The following MYO3A variants were observed in gnomAD, a reference collection of about 807,000 sequenced individuals.
MYO3A encodes myosin IIIA, also known as myosin-IIIa.
A neutral mutation model predicts 192.7 loss-of-function variants in MYO3A; 180 were observed. The ratio of observed to expected loss-of-function variants is 0.93; its 90% CI spans 0.83 to 1.06. The LOEUF (loss-of-function observed/expected upper bound fraction) is 1.06. Among genes scored for constraint, MYO3A ranks in the 50% least tolerant of loss-of-function variants. The pLI, the probability that MYO3A is intolerant of heterozygous loss-of-function variation, is 0.00. For synonymous variants in MYO3A, 628 were observed against 645.3 expected, an observed-to-expected ratio of 0.97 and a Z score of 0.41; for missense variants, 1,896 against 1,905.0, an observed-to-expected ratio of 1.00 and a Z score of 0.09.
chr10:25,948,632 A>G (rs943593285), intron 2 of MYO3A, among the ~76,000 whole-genome samples: 11 of 152,154 alleles, frequency 7.2e-5, no homozygotes, highest in African/African-American at 2.4e-4. Context: ...GCAATTTACC[A>G]TAGTTATTAA....
chr10:25,960,476 T>A (rs568071763), intron 4 of MYO3A, among the ~76,000 whole-genome samples: 3 of 152,276 alleles, frequency 2.0e-5, no homozygotes, highest in Admixed American at 1.3e-4. Context: ...ACTTAACTAC[T>A]AATAGTCTAC....
At chr10:26,069,246 G>T (rs527271403) in intron 12 of MYO3A, among the ~76,000 whole-genome samples, 1 of 152,096 alleles carries the variant, frequency 6.6e-6, no homozygotes, top group Non-Finnish European at 1.5e-5. Context: ...AGCGTCAAAA[G>T]TATAATTACA....
chr10:26,072,890 A>G (rs1331992618), intron 14 of MYO3A, among the ~76,000 whole-genome samples: 1 of 152,228 alleles, frequency 6.6e-6, no homozygotes, highest in African/African-American at 2.4e-5. Context: ...GAAAACCTAT[A>G]CAGAAACCTA....
intron 25 of MYO3A, among the ~76,000 whole-genome samples, chr10:26,156,325 C>T (rs1402889335): frequency 1.3e-5 from 2 of 152,154 alleles, no homozygotes; most frequent in African/African-American, 2.4e-5. Context: ...CAACACTAAA[C>T]GGGATCCAGC....
At chr10:26,199,969 A>T (rs147739595) in intron 32 of MYO3A, among the ~76,000 whole-genome samples, 179 of 152,338 alleles carry the variant, frequency 1.2e-3, no homozygotes, top group Admixed American at 2.5e-3. Flanking sequence ...AGTCCCGGAG[A>T]TCATTAACTG....
At chr10:26,005,195 T>G (rs2130956485) in intron 6 of MYO3A, among the ~76,000 whole-genome samples, 1 of 152,192 alleles carries the variant, frequency 6.6e-6, no homozygotes, top group East Asian at 1.9e-4. Context: ...CCTGAGAGGA[T>G]GCAATGAGAA....
intron 7 of MYO3A, 54 bp downstream of exon 7, chr10:26,016,950 C>T: frequency 6.7e-7 from 1 of 1,498,806 alleles, no homozygotes; most frequent in Non-Finnish European, 9.3e-7. Context: ...GTTTGACTTT[C>T]CTTTTTATGT....
chr10:26,037,718 T>C lies in MYO3A; in HGVS notation c.953+11186T>C, dbSNP rs1266631616. Among the ~76,000 whole-genome samples, 3 of 152,190 alleles carry C rather than the reference T, an allele frequency of 2.0e-5. No homozygotes were observed. The South Asian group carries it at 6.2e-4, about 32-fold the overall frequency. On this transcript the variant is annotated intron_variant, in intron 10 of 34. Coordinates refer to ENST00000642920, the MANE Select transcript of MYO3A (RefSeq NM_017433.5). ...TTAATTGACTCACTGTTCCTCAGGC[T>C]GTCCAGGAAGCATGACTGGGGAGAC...
At chr10:26,063,607 A>G (rs963593511) in intron 10 of MYO3A, among the ~76,000 whole-genome samples, 9 of 152,236 alleles carry the variant, frequency 5.9e-5, no homozygotes, top group African/African-American at 2.2e-4. Context: ...AGGCCAGCAC[A>G]CAAATGAATG....
intron 4 of MYO3A, among the ~76,000 whole-genome samples, chr10:25,982,833 C>A (rs1212664232): frequency 6.6e-6 from 1 of 152,140 alleles, no homozygotes; most frequent in Admixed American, 6.5e-5. Context: ...ACATAGTCTA[C>A]CCAAATGAGA....
At chr10:25,985,651 T>C (rs112229154) in intron 4 of MYO3A, among the ~76,000 whole-genome samples, 6,583 of 152,106 alleles carry the variant, frequency 0.043, 180 homozygotes, top group Middle Eastern at 0.068. Context: ...CAGGAAGATA[T>C]AGAATCTCTG....
chr10:26,035,080 T>A (rs1026159406), intron 10 of MYO3A, among the ~76,000 whole-genome samples: 10 of 152,152 alleles, frequency 6.6e-5, no homozygotes, highest in Non-Finnish European at 8.8e-5. Context: ...AGGAATATAC[T>A]GGTAGCTGTG....
At chr10:26,039,546 C>T (rs11014924) in intron 10 of MYO3A, among the ~76,000 whole-genome samples, 47,286 of 151,780 alleles carry the variant, frequency 0.31, 7,652 homozygotes, top group Middle Eastern at 0.44. Flanking sequence ...CTTTTTATGA[C>T]GGCTTTGATC....
chr10:25,934,540 C>T (rs1164934905), intron 1 of MYO3A, among the ~76,000 whole-genome samples: 1 of 151,576 alleles, frequency 6.6e-6, no homozygotes, highest in Non-Finnish European at 1.5e-5. Context: ...AGAGAGGGGA[C>T]TCGAGGGGAG....
In MYO3A at chr10:26,212,202, C is replaced by G; in HGVS notation, c.*239C>G. On this transcript the variant is annotated 3_prime_UTR_variant, in exon 35 of 35. Coordinates refer to ENST00000642920, the MANE Select transcript of MYO3A (RefSeq NM_017433.5). Reference sequence around the variant, plus strand: ...CGCTCTCTCTCGGAACTCCCGCACCCTCCTTTCTCACCAGCCCGCCAGTTG... The same window carrying G: ...CGCTCTCTCTCGGAACTCCCGCACCGTCCTTTCTCACCAGCCCGCCAGTTG... The G allele has an allele frequency of 1.8e-6, 1 of 556,344 alleles. No individual in the cohort carries two copies. Among genetic ancestry groups the G allele is most frequent in the Middle Eastern group, 4.8e-4 (1 of 2,078 alleles). The allele number at this position is 556,344 out of a possible 1,614,324, so 34.5% of individuals were successfully genotyped here.
intron 34 of MYO3A, 150 bp downstream of exon 34, chr10:26,203,257 C>A (rs1843758160): frequency 2.2e-6 from 2 of 928,242 alleles, no homozygotes; most frequent in Admixed American, 4.5e-5. Context: ...AAAGTAATGT[C>A]ATGTACAGTG....
chr10:26,147,387 C>T (rs1840533728), intron 22 of MYO3A, 43 bp from the exon 23 acceptor site: 1 of 1,565,454 alleles, frequency 6.4e-7, no homozygotes, highest in African/African-American at 1.4e-5. Context: ...AGGAGGATGA[C>T]AATGACATTG....
At chr10:26,117,660 A>G (rs1050973297) in intron 17 of MYO3A, among the ~76,000 whole-genome samples, 2 of 152,188 alleles carry the variant, frequency 1.3e-5, no homozygotes, top group African/African-American at 4.8e-5. Context: ...TGTCCCTGCA[A>G]AGGACATGAT....
intron 6 of MYO3A, among the ~76,000 whole-genome samples, chr10:26,008,114 G>C (rs1174816994): frequency 1.3e-5 from 2 of 148,316 alleles, no homozygotes; most frequent in Non-Finnish European, 3.0e-5. Context: ...ACAAACCTGA[G>C]AAAAACAAGC....
Sources: gnomAD v4.1 joint callset for allele counts (sites outside exome capture counted in the v4.1 genomes callset) on GRCh38, gnomAD v4.1.1 for gene constraint, MANE v1.5 for transcripts, NCBI Gene and HGNC (gene_info 2026-07-23, HGNC 2026-07-21) for gene names.